Variants in DOCK3 observed in about 807,000 individuals in gnomAD.
The protein encoded by DOCK3 is dedicator of cytokinesis protein 3.
In DOCK3, 60 loss-of-function variants were observed where a neutral mutation model predicts 265.6. That is an observed-to-expected ratio of 0.23 (90% CI 0.18 to 0.28). The LOEUF (loss-of-function observed/expected upper bound fraction) is 0.28, where lower values mean the gene tolerates loss of function less well. Among genes scored for constraint, DOCK3 ranks in the 10% least tolerant of loss-of-function variants. The pLI is 1.00. For missense variants in DOCK3, 1,981 were observed against 2,594.3 expected (o/e 0.76, Z 5.14); for synonymous variants, 881 against 938.0 (o/e 0.94, Z 1.11).
At chr3:50,800,946 T>C (rs767924767) in intron 2 of DOCK3, among the ~76,000 whole-genome samples, 5 of 152,214 alleles carry the variant, frequency 3.3e-5, no homozygotes, top group Non-Finnish European at 5.9e-5. Flanking sequence ...TGTTGTTTAG[T>C]TTCCATGCAT....
chr3:50,805,197 G>A (rs980713646), intron 2 of DOCK3, among the ~76,000 whole-genome samples: 6 of 152,178 alleles, frequency 3.9e-5, no homozygotes, highest in Non-Finnish European at 8.8e-5. Context: ...GTCTTGGGGT[G>A]TTGGTTTGGT....
At chr3:50,708,428 T>C (rs2036550676) in intron 1 of DOCK3, among the ~76,000 whole-genome samples, 2 of 152,192 alleles carry the variant, frequency 1.3e-5, no homozygotes, top group South Asian at 4.1e-4. Context: ...TGGGTCCAGC[T>C]GGTGTGTCTT....
intron 38 of DOCK3, among the ~76,000 whole-genome samples, chr3:51,347,560 A>G (rs1243207535): frequency 1.3e-5 from 2 of 152,200 alleles, no homozygotes; most frequent in Non-Finnish European, 2.9e-5. Context: ...TATAGTTTGA[A>G]GTCAGGTAGC....
chr3:50,958,101 C>T (rs2076778342), intron 5 of DOCK3, among the ~76,000 whole-genome samples: 1 of 152,144 alleles, frequency 6.6e-6, no homozygotes. Context: ...CTGTCTTTGT[C>T]CAGTCCCACT....
intron 9 of DOCK3, among the ~76,000 whole-genome samples, chr3:51,121,121 G>A (rs2083997782): frequency 6.6e-6 from 1 of 152,166 alleles, no homozygotes; most frequent in South Asian, 2.1e-4. Context: ...CCCTTGTTGT[G>A]TAGGCATCCG....
chr3:51,021,395 A>AGTGG (rs1292915469), intron 5 of DOCK3, among the ~76,000 whole-genome samples: 1 of 152,186 alleles, frequency 6.6e-6, no homozygotes, highest in African/African-American at 2.4e-5. Flanking sequence ...CTCTCAGTGG[A>AGTGG]AATCCTATTT....
chr3:51,336,048 G>A (rs2084849488), intron 35 of DOCK3, among the ~76,000 whole-genome samples: 1 of 150,560 alleles, frequency 6.6e-6, no homozygotes, highest in African/African-American at 2.4e-5. Flanking sequence ...TATGACTCAA[G>A]GGAAGGACAT....
intron 46 of DOCK3, 83 bp downstream of exon 46, chr3:51,358,160 TAGG>T (rs1052207794): frequency 6.3e-6 from 9 of 1,422,102 alleles, no homozygotes; most frequent in African/African-American, 1.4e-5. Context: ...CAAAGGAAAA[TAGG>T]AGAGAGGGAG....
At chr3:51,328,292 T>C (rs888423302) in intron 32 of DOCK3, among the ~76,000 whole-genome samples, 1 of 152,156 alleles carries the variant, frequency 6.6e-6, no homozygotes, top group Non-Finnish European at 1.5e-5. Flanking sequence ...ACAATCTACC[T>C]ATACCACCAT....
chr3:51,361,832 C>G lies in DOCK3; in HGVS notation c.5007-27C>G. ...CTGCCACCTGCCATGGGCCTGACTC[C>G]TCCCTATTTCCCACTCTTGCTCACA... On this transcript the variant is annotated intron_variant, in intron 47 of 52. Transcript: ENST00000266037. The surrounding 1 kb of genome is among the most constrained non-coding windows in gnomAD (Gnocchi z 4.2). The G allele has an allele frequency of 6.2e-7, 1 of 1,607,928 alleles. No individual in the cohort carries two copies. Among genetic ancestry groups the G allele is most frequent in the Non-Finnish European group, 8.5e-7 (1 of 1,176,734 alleles).
chr3:50,975,998 T>C (rs1314663585), intron 5 of DOCK3, among the ~76,000 whole-genome samples: 1 of 151,504 alleles, frequency 6.6e-6, no homozygotes, highest in East Asian at 1.9e-4. Context: ...ATCCCCTTTA[T>C]CATTTTTTAT....
rs1035901271 is a variant in DOCK3 at position 51,361,352 on chromosome 3, A to G, written c.5007-507A>G. Reference sequence around the variant, plus strand: ...TTCCTGGTATTGCTAGAGGAGAGCTATTGACAAGCCTTTTGGCCACAGATG... The same window carrying G: ...TTCCTGGTATTGCTAGAGGAGAGCTGTTGACAAGCCTTTTGGCCACAGATG... On this transcript the variant is annotated intron_variant, in intron 47 of 52. Coordinates refer to ENST00000266037, the MANE Select transcript of DOCK3 (RefSeq NM_004947.5). The surrounding 1 kb of genome is among the most constrained non-coding windows in gnomAD (Gnocchi z 4.2). Among the ~76,000 whole-genome samples the G allele has an allele frequency of 1.3e-5, 2 of 152,090 alleles. No individual in the cohort carries two copies. Among genetic ancestry groups the G allele is most frequent in the Non-Finnish European group, 2.9e-5 (2 of 68,020 alleles).
intron 23 of DOCK3, among the ~76,000 whole-genome samples, chr3:51,265,003 A>C (rs1386250570): frequency 6.6e-6 from 1 of 152,120 alleles, no homozygotes; most frequent in African/African-American, 2.4e-5. Flanking sequence ...CACAACAAAA[A>C]ATGTGATAAA....
At chr3:51,158,071 T>A (rs1389732440) in intron 10 of DOCK3, among the ~76,000 whole-genome samples, 3 of 152,026 alleles carry the variant, frequency 2.0e-5, no homozygotes, top group Non-Finnish European at 4.4e-5. Context: ...ACCTGTCACA[T>A]TAAGGACAAA....
At chr3:51,149,906 G>A (rs1323736963) in intron 10 of DOCK3, among the ~76,000 whole-genome samples, 1 of 152,188 alleles carries the variant, frequency 6.6e-6, no homozygotes, top group Non-Finnish European at 1.5e-5. Context: ...AATAGTTTCA[G>A]AAGGAATGGT....
chr3:50,676,972 G>A (rs2034011915), intron 1 of DOCK3, among the ~76,000 whole-genome samples: 1 of 152,226 alleles, frequency 6.6e-6, no homozygotes, highest in Non-Finnish European at 1.5e-5. Context: ...GACAGAGCCA[G>A]TGCAAGGTAA....
At chr3:50,800,865 C>T (rs1034692195) in intron 2 of DOCK3, among the ~76,000 whole-genome samples, 2 of 152,046 alleles carry the variant, frequency 1.3e-5, no homozygotes, top group Non-Finnish European at 2.9e-5. Context: ...TCTTACGATT[C>T]TATTTTCATT....
chr3:51,257,176 T>TA (rs2079593387), intron 22 of DOCK3, among the ~76,000 whole-genome samples: 1 of 152,220 alleles, frequency 6.6e-6, no homozygotes, highest in African/African-American at 2.4e-5. Context: ...TGTTCTGTAA[T>TA]ACGTCCAACA....
chr3:51,149,999 T>A (rs558146592), intron 10 of DOCK3, among the ~76,000 whole-genome samples: 1 of 152,328 alleles, frequency 6.6e-6, no homozygotes, highest in East Asian at 1.9e-4. Flanking sequence ...GGCAATTAAT[T>A]ATTGCCTCAA....
Sources: allele counts gnomAD v4.1 joint callset (sites outside exome capture counted in the v4.1 genomes callset), GRCh38; gene constraint gnomAD v4.1.1; non-coding constraint Gnocchi (gnomAD v3.1); transcripts MANE v1.5; gene names NCBI Gene and HGNC (gene_info 2026-07-23, HGNC 2026-07-21).